TRIM2: variants seen among roughly 807,000 people sequenced by gnomAD.
TRIM2 encodes tripartite motif containing 2.
A neutral mutation model predicts 75.2 loss-of-function variants in TRIM2; 20 were observed. The ratio of observed to expected loss-of-function variants is 0.27; its 90% CI spans 0.19 to 0.39. The LOEUF (loss-of-function observed/expected upper bound fraction) is 0.39. Among genes scored for constraint, TRIM2 ranks in the 10% least tolerant of loss-of-function variants. The pLI is 1.00. For synonymous variants in TRIM2, 373 were observed against 388.3 expected, an observed-to-expected ratio of 0.96 and a Z score of 0.46; for missense variants, 660 against 990.8, an observed-to-expected ratio of 0.67 and a Z score of 4.48.
chr4:153,244,277 C>A (rs866681837), intron 1 of TRIM2, among the ~76,000 whole-genome samples: 192 of 16,124 alleles, frequency 0.012, 8 homozygotes, highest in African/African-American at 0.058. Context: ...CCTCCTCCTC[C>A]TCCTCCTCCT....
chr4:153,324,000 G>A lies in TRIM2; in HGVS notation c.1952-78G>A, dbSNP rs1306913014. On this transcript the variant is annotated intron_variant, in intron 9 of 11. Transcript: ENST00000338700. ...TTAAATAACTAAGTTAATATATTAA[G>A]TTTGTTTGTTACAGTAACTGCTATA... 7 of 1,115,242 alleles carry A rather than the reference G, an allele frequency of 6.3e-6. No individual in the cohort carries two copies. The East Asian group carries it at 1.7e-4, about 27-fold the overall frequency. 69.1% of individuals were successfully genotyped at this position (1,115,242 alleles called of 1,614,324 possible). A position where few individuals can be genotyped will look rare whatever the true frequency, so the allele number is the denominator to read the frequency against.
At chr4:153,271,787 G>A (rs1192492063) in intron 2 of TRIM2, among the ~76,000 whole-genome samples, 3 of 152,138 alleles carry the variant, frequency 2.0e-5, no homozygotes, top group Non-Finnish European at 2.9e-5. Flanking sequence ...GGCACACATG[G>A]GAAGATCGTT....
At chr4:153,301,588 C>T (rs901686866) in intron 6 of TRIM2, among the ~76,000 whole-genome samples, 1 of 152,070 alleles carries the variant, frequency 6.6e-6, no homozygotes, top group Non-Finnish European at 1.5e-5. Flanking sequence ...GGAGCTTTTT[C>T]CCTATGTTTT....
intron 1 of TRIM2, among the ~76,000 whole-genome samples, chr4:153,251,252 A>G (rs1179417438): frequency 6.6e-6 from 1 of 152,228 alleles, no homozygotes; most frequent in Non-Finnish European, 1.5e-5. Flanking sequence ...GGCTACTGCC[A>G]GTAGAGAGGA....
rs58515697 is a variant in TRIM2, at chr4:153,332,563, T to C, written c.2164-2251T>C. Among the ~76,000 whole-genome samples, 1,061 of 151,992 alleles carry C rather than the reference T, an allele frequency of 7.0e-3. 11 individuals carry two copies. Among genetic ancestry groups the C allele is most frequent in the African/African-American group, 0.024 (1,001 of 41,430 alleles). On this transcript the variant is annotated intron_variant, in intron 11 of 11. Transcript: ENST00000338700. Reference sequence around the variant, plus strand: ...GGGAGGCTGAGGCAGGAGAATCACTTGAACCCAGAAAGCGGAGGTTGCAGT... The same window carrying C: ...GGGAGGCTGAGGCAGGAGAATCACTCGAACCCAGAAAGCGGAGGTTGCAGT...
At chr4:153,221,800 G>GCA (rs1740164017) in intron 1 of TRIM2, among the ~76,000 whole-genome samples, 4 of 51,052 alleles carry the variant, frequency 7.8e-5, no homozygotes, top group South Asian at 1.0e-3. Flanking sequence ...AGGAAAGAGC[G>GCA]AGGAAGGAAG....
chr4:153,183,436 C>T (rs769656149), intron 1 of TRIM2, among the ~76,000 whole-genome samples: 55 of 152,250 alleles, frequency 3.6e-4, no homozygotes, highest in Non-Finnish European at 7.2e-4. Flanking sequence ...GTTGGAGCAG[C>T]GATGTGGAGC....
At chr4:153,330,767 A>G (rs1202730625) in intron 11 of TRIM2, among the ~76,000 whole-genome samples, 1 of 152,206 alleles carries the variant, frequency 6.6e-6, no homozygotes, top group Non-Finnish European at 1.5e-5. Context: ...CTTCATAGTA[A>G]AAGACTGAAT....
At chr4:153,199,966 G>A (rs1332900509), upstream of TRIM2, among the ~76,000 whole-genome samples, 2 of 144,242 alleles carry the variant, frequency 1.4e-5, no homozygotes, top group Non-Finnish European at 3.0e-5. Context: ...TTTTGAGATG[G>A]AGTCTCACTC....
chr4:153,293,022 G>T lies in TRIM2; in HGVS notation c.494G>T (p.Cys165Phe). 6.2e-7 allele frequency: 1 copy of T among 1,613,452 alleles called. No individual in the cohort carries two copies. Among genetic ancestry groups the T allele is most frequent in the Non-Finnish European group, 8.5e-7 (1 of 1,179,594 alleles). Residue 165 changes from cysteine (C) to phenylalanine (F), a missense_variant, in exon 4 of 12, where the codon TGT (cysteine) becomes TTT (phenylalanine). By Grantham distance (205) the Cys-to-Phe change is radical. This residue lies in a region of TRIM2 where 620 missense variants were observed against 891.0 expected (regional missense o/e 0.70). Coordinates refer to ENST00000338700, the MANE Select transcript of TRIM2 (RefSeq NM_015271.5). ...FYCQSCETAMCRECTEGEHAE... is the reference protein window; with the variant it reads ...FYCQSCETAMFRECTEGEHAE... ...TGCCAGTCCTGTGAGACTGCCATGT[G>T]TCGGGAGTGCACGGAGGGGGAGCAC...
chr4:153,333,757 G>A (rs1222462920), intron 11 of TRIM2, among the ~76,000 whole-genome samples: 2 of 151,898 alleles, frequency 1.3e-5, no homozygotes, highest in African/African-American at 4.8e-5. Flanking sequence ...AAAATAATAC[G>A]AATTGTAAAA....
intron 8 of TRIM2, among the ~76,000 whole-genome samples, chr4:153,320,842 A>AC (rs11373274): frequency 0.43 from 65,447 of 151,880 alleles, 14,458 homozygotes; most frequent in African/African-American, 0.53. Flanking sequence ...CACCTTGGCC[A>AC]ACTGGTCTCG....
At chr4:153,328,017 A>T (rs992878921) in intron 10 of TRIM2, among the ~76,000 whole-genome samples, 2 of 152,190 alleles carry the variant, frequency 1.3e-5, no homozygotes, top group Admixed American at 6.5e-5. Context: ...CTCCCATTCT[A>T]AGTATGGAGT....
chr4:153,228,512 A>T (rs932510941), intron 1 of TRIM2, among the ~76,000 whole-genome samples: 1 of 152,270 alleles, frequency 6.6e-6, no homozygotes, highest in East Asian at 1.9e-4. Flanking sequence ...AATGGCAATA[A>T]CTGGGTATCT....
At chr4:153,229,420 T>C (rs1268421645) in intron 1 of TRIM2, among the ~76,000 whole-genome samples, 3 of 152,092 alleles carry the variant, frequency 2.0e-5, no homozygotes, top group Non-Finnish European at 2.9e-5. Flanking sequence ...CCATGCCTGG[T>C]TAATTTTTGT....
rs1421464969 is a variant in TRIM2 at position 153,338,535 on chromosome 4, T to C, written c.*3569T>C. On this transcript the variant is annotated 3_prime_UTR_variant, in exon 12 of 12. Transcript: ENST00000338700. ...TGTTGCAGGGTTTTAAACTTTATAA[T>C]TACTTTAATATTTTTGATAACTAGA... 1.0e-6 allele frequency: 1 copy of C among 983,702 alleles called. No individual in the cohort carries two copies. The highest frequency in any genetic ancestry group is 1.7e-5 in the African/African-American group (1 of 57,180). The allele number at this position is 983,702 out of a possible 1,614,324, so 60.9% of individuals were successfully genotyped here. A position where few individuals can be genotyped will look rare whatever the true frequency, so the allele number is the denominator to read the frequency against.
intron 6 of TRIM2, among the ~76,000 whole-genome samples, chr4:153,301,753 T>A (rs992310033): frequency 1.3e-5 from 2 of 152,226 alleles, no homozygotes; most frequent in African/African-American, 4.8e-5. Flanking sequence ...GACTGATCTT[T>A]CCTCATTTTG....
upstream of TRIM2, chr4:153,152,600 GC>G (rs959360732): frequency 6.6e-6 from 1 of 151,884 alleles, no homozygotes; most frequent in African/African-American, 2.4e-5. Context: ...CTGCCAAGGA[GC>G]CCCCTCAGAC....
At chr4:153,186,147 A>G (rs971509740) in intron 1 of TRIM2, among the ~76,000 whole-genome samples, 9 of 152,130 alleles carry the variant, frequency 5.9e-5, no homozygotes, top group African/African-American at 2.2e-4. Flanking sequence ...ACCACAAAGA[A>G]TCATCTGTCC....
Sources: gnomAD v4.1 joint callset for allele counts (sites outside exome capture counted in the v4.1 genomes callset) on GRCh38, gnomAD v4.1.1 for gene constraint, gnomAD v4.1.1 regional missense constraint, MANE v1.5 for transcripts, NCBI Gene and HGNC (gene_info 2026-07-23, HGNC 2026-07-21) for gene names.